CCDC57: variants seen among roughly 807,000 people sequenced by gnomAD.
CCDC57 encodes coiled-coil domain-containing protein 57.
Under a neutral mutation model 118.9 loss-of-function variants are expected in CCDC57, and 118 were observed. The observed-to-expected ratio is 0.99, with a 90% confidence interval of 0.86 to 1.16. The LOEUF is 1.16. Ranked by LOEUF, CCDC57 falls within the 50% of genes most tolerant of loss-of-function variation. The probability of loss-of-function intolerance (pLI) is 0.00; values close to 1 mark genes in which losing one functional copy is unlikely to be tolerated. For missense variants in CCDC57, 1,300 were observed against 1,320.7 expected (o/e 0.98, Z 0.24); for synonymous variants, 527 against 532.9 (o/e 0.99, Z 0.15).
At chr17:82,170,570 C>T (rs1280441734) in intron 13 of CCDC57, among the ~76,000 whole-genome samples, 11 of 150,466 alleles carry the variant, frequency 7.3e-5, no homozygotes, top group Non-Finnish European at 7.4e-5. Context: ...GGAGGAGTCA[C>T]GTGAGCACGC....
At chr17:82,129,819 A>C (rs751875681) in intron 17 of CCDC57, among the ~76,000 whole-genome samples, 3 of 152,082 alleles carry the variant, frequency 2.0e-5, no homozygotes, top group Non-Finnish European at 4.4e-5. Flanking sequence ...TGGAGCCCAG[A>C]GTTCTAGGTT....
chr17:82,172,705 C>A lies in CCDC57; in HGVS notation c.1662G>T (p.Gln554His). 1 of 1,575,612 alleles carries A rather than the reference C, an allele frequency of 6.3e-7. No individual in the cohort carries two copies. The highest frequency in any genetic ancestry group is 8.6e-7 in the Non-Finnish European group (1 of 1,160,432). The stretch of plus-strand genomic sequence containing the variant: ...TTGCATCTGTGCTCTCTGCCGCTGT[C>A]TGGATGGGAGGAGGAATCTGATGGC... The change falls in exon 12 of 20, where the codon CAG becomes CAT. Residue 554 changes from glutamine (Q) to histidine (H), a missense_variant. Coordinates refer to ENST00000665763, the Ensembl canonical transcript of CCDC57. This position sits in a 1 kb window ranked among gnomAD's most constrained non-coding sequence, Gnocchi z 5.2.
At chr17:82,162,551 G>T (rs8079122) in intron 14 of CCDC57, among the ~76,000 whole-genome samples, 65,463 of 144,354 alleles carry the variant, frequency 0.45, 15,786 homozygotes, top group East Asian at 0.88. Context: ...ACATGCGTCC[G>T]GTTGACCAGG....
chr17:82,187,888 G>A (rs2047171290), intron 8 of CCDC57, among the ~76,000 whole-genome samples: 1 of 151,722 alleles, frequency 6.6e-6, no homozygotes, highest in African/African-American at 2.4e-5. Flanking sequence ...AGATGACAGT[G>A]GTGATGGTTT....
intron 1 of CCDC57, among the ~76,000 whole-genome samples, chr17:82,211,344 C>T (rs1482264738): frequency 6.6e-6 from 1 of 152,114 alleles, no homozygotes; most frequent in East Asian, 1.9e-4. Context: ...GGATCCTGGA[C>T]CACGGTAAAG....
intron 7 of CCDC57, among the ~76,000 whole-genome samples, chr17:82,189,913 G>T (rs2047445232): frequency 6.6e-6 from 1 of 152,180 alleles, no homozygotes; most frequent in Admixed American, 6.5e-5. Flanking sequence ...GGGAGGCCGA[G>T]GCAGGAGAAT....
intron 16 of CCDC57, among the ~76,000 whole-genome samples, chr17:82,138,222 C>G (rs1032475345): frequency 6.8e-6 from 1 of 147,560 alleles, no homozygotes. Flanking sequence ...AATCTCGGCT[C>G]ACTGCAAGCT....
At chr17:82,211,010 GAAAAAA>G (rs60817301) in intron 1 of CCDC57, among the ~76,000 whole-genome samples, 1 of 126,332 alleles carries the variant, frequency 7.9e-6, no homozygotes, top group Non-Finnish European at 1.6e-5. Flanking sequence ...AAAAAAAAAA[GAAAAAA>G]AAAAAAGAAA....
At chr17:82,104,267 ACACAGTTTGCCGGG>A (rs1732281849) in intron 19 of CCDC57, among the ~76,000 whole-genome samples, 1 of 152,226 alleles carries the variant, frequency 6.6e-6, no homozygotes, top group African/African-American at 2.4e-5. Context: ...CCATGTGGAC[ACACAGTTTGCCGGG>A]CACAGCGTGA....
At chr17:82,105,012 C>T (rs2034744688) in intron 19 of CCDC57, 2 of 152,370 alleles carry the variant, frequency 1.3e-5, no homozygotes, top group Admixed American at 6.5e-5. Context: ...TGCACCTGAG[C>T]CTCAGCTCAG....
chr17:82,201,769 T>C (rs1055026243), exon 3 of CCDC57: 4 of 1,613,722 alleles, frequency 2.5e-6, no homozygotes, highest in Non-Finnish European at 3.4e-6. Flanking sequence ...CTGAAGGTTG[T>C]AGACAAAGTC....
chr17:82,113,036 C>G (rs6502056), intron 19 of CCDC57: 145,740 of 287,500 alleles, frequency 0.51, 39,252 homozygotes, highest in Non-Finnish European at 0.56. Flanking sequence ...TTGGTTATTT[C>G]TTAATGTATT....
chr17:82,188,200 G>A lies in CCDC57; in HGVS notation c.1052+19C>T, dbSNP rs759284024. 11 of 1,530,756 alleles carry A rather than the reference G, an allele frequency of 7.2e-6. No homozygotes were observed. Among genetic ancestry groups the A allele is most frequent in the Non-Finnish European group, 9.7e-6 (11 of 1,138,074 alleles). The allele number at this position is 1,530,756 out of a possible 1,614,324, so 94.8% of individuals were successfully genotyped here. A position where few individuals can be genotyped will look rare whatever the true frequency, so the allele number is the denominator to read the frequency against. On this transcript the variant is annotated intron_variant, in intron 8 of 19. Coordinates refer to ENST00000665763, the Ensembl canonical transcript of CCDC57. ...CGTCCCTGCCCTCACCCTCTGGGTG[G>A]AGCCAAGCACACGCTCACTGGTCAA...
chr17:82,181,709 G>A (rs142553066), intron 9 of CCDC57, among the ~76,000 whole-genome samples: 12 of 152,306 alleles, frequency 7.9e-5, no homozygotes, highest in South Asian at 2.1e-4. Flanking sequence ...AAAGGCAACC[G>A]TGCACATAAT....
chr17:82,185,868 A>G (rs1160851638), intron 8 of CCDC57, among the ~76,000 whole-genome samples: 1 of 152,176 alleles, frequency 6.6e-6, no homozygotes, highest in East Asian at 1.9e-4. Context: ...TTTAAGAAAG[A>G]AAAAAAGGAA....
At chr17:82,156,269 C>T (rs3935403) in intron 15 of CCDC57, 70,685 of 150,772 alleles carry the variant, frequency 0.47, 17,365 homozygotes, top group East Asian at 0.88. Flanking sequence ...CCAGATTGGG[C>T]GACAGTGTGA....
chr17:82,113,193 G>A lies in CCDC57; in HGVS notation c.2900-11327C>T, dbSNP rs2035417213. 8.6e-6 allele frequency: 5 copies of A among 584,026 alleles called. No individual in the cohort carries two copies. In the East Asian group the frequency reaches 1.4e-4, roughly 16 times the overall value. The allele number at this position is 584,026 out of a possible 1,614,324, so 36.2% of individuals were successfully genotyped here. A position where few individuals can be genotyped will look rare whatever the true frequency, so the allele number is the denominator to read the frequency against. On this transcript the variant is annotated intron_variant, in intron 19 of 19. Coordinates refer to ENST00000665763, the Ensembl canonical transcript of CCDC57. ...GTTCCAAGACTGCCCTGTCCTTTCA[G>A]AAGCCACAGGTCATGATAATCAGTG...
chr17:82,163,339 C>G (rs772301591), exon 14 of CCDC57: 1 of 1,613,924 alleles, frequency 6.2e-7, no homozygotes, highest in East Asian at 2.2e-5. Context: ...TCCGGCTTGA[C>G]CAGCTTGGGC....
chr17:82,126,545 C>T (rs1427089400), intron 19 of CCDC57: 14 of 985,058 alleles, frequency 1.4e-5, no homozygotes, highest in Non-Finnish European at 1.7e-5. Context: ...CCTAAACACA[C>T]ACGAAGATGC....
Sources: gnomAD v4.1 joint callset for allele counts (sites outside exome capture counted in the v4.1 genomes callset) on GRCh38, gnomAD v4.1.1 for gene constraint, Gnocchi (gnomAD v3.1) non-coding constraint, MANE v1.5 for transcripts, NCBI Gene and HGNC (gene_info 2026-07-23, HGNC 2026-07-21) for gene names.